The following CDK8 variants were observed in gnomAD, a reference collection of about 807,000 sequenced individuals.
The protein encoded by CDK8 is cyclin-dependent kinase 8.
A neutral mutation model predicts 71.5 loss-of-function variants in CDK8; 29 were observed. That is an observed-to-expected ratio of 0.41 (90% CI 0.30 to 0.55). The LOEUF (loss-of-function observed/expected upper bound fraction) is 0.55. Ranked by LOEUF, CDK8 falls within the 20% of genes least tolerant of loss-of-function variation. The pLI, the probability that CDK8 is intolerant of heterozygous loss-of-function variation, is 0.37. For synonymous variants in CDK8, 161 were observed against 192.1 expected (o/e 0.84, Z 1.34); for missense variants, 288 against 572.6 (o/e 0.50, Z 5.07).
chr13:26,397,645 C>A (rs189071898), intron 9 of CDK8, among the ~76,000 whole-genome samples: 4 of 152,204 alleles, frequency 2.6e-5, no homozygotes, highest in Admixed American at 2.6e-4. Context: ...CAAAATACCT[C>A]TTATAACCTT....
chr13:26,358,298 CA>C (rs985791986), intron 4 of CDK8, among the ~76,000 whole-genome samples: 19 of 148,396 alleles, frequency 1.3e-4, no homozygotes, highest in Middle Eastern at 3.2e-3. Flanking sequence ...GACTCCGTCT[CA>C]AAAAAAAATA....
intron 1 of CDK8, among the ~76,000 whole-genome samples, chr13:26,317,030 A>G (rs914659698): frequency 6.6e-6 from 1 of 152,194 alleles, no homozygotes; most frequent in African/African-American, 2.4e-5. Context: ...AACCTAAAGG[A>G]CAATGGAAAT....
At chr13:26,288,660 T>G (rs1469998377) in intron 1 of CDK8, among the ~76,000 whole-genome samples, 2 of 152,026 alleles carry the variant, frequency 1.3e-5, no homozygotes, top group African/African-American at 2.4e-5. Flanking sequence ...TGTTGATAAT[T>G]TGGGGAGAAT....
intron 4 of CDK8, among the ~76,000 whole-genome samples, chr13:26,360,360 A>T (rs1201353965): frequency 1.3e-5 from 2 of 152,172 alleles, no homozygotes; most frequent in African/African-American, 2.4e-5. Context: ...ACTGATATGT[A>T]GTCCAGCTCC....
intron 6 of CDK8, among the ~76,000 whole-genome samples, chr13:26,392,647 A>C (rs1418031940): frequency 2.0e-5 from 3 of 152,178 alleles, no homozygotes; most frequent in East Asian, 1.9e-4. Flanking sequence ...CCATGTTAAC[A>C]GTAATATTTT....
chr13:26,270,898 G>A (rs1198580050), intron 1 of CDK8, among the ~76,000 whole-genome samples: 1 of 152,166 alleles, frequency 6.6e-6, no homozygotes, highest in Non-Finnish European at 1.5e-5. Flanking sequence ...CCTCCAAACT[G>A]TTTTCCACAG....
intron 6 of CDK8, among the ~76,000 whole-genome samples, chr13:26,389,448 C>T (rs539953225): frequency 1.3e-5 from 2 of 152,064 alleles, no homozygotes; most frequent in South Asian, 2.1e-4. Flanking sequence ...GTGTGAGCCA[C>T]GACACCCAGC....
At chr13:26,267,160 A>T (rs2137863568) in intron 1 of CDK8, among the ~76,000 whole-genome samples, 1 of 148,124 alleles carries the variant, frequency 6.8e-6, no homozygotes, top group South Asian at 2.1e-4. Flanking sequence ...ATTAATAAAT[A>T]TGTAGTCAAC....
At chr13:26,389,061 T>C (rs147233212) in intron 6 of CDK8, among the ~76,000 whole-genome samples, 77 of 152,318 alleles carry the variant, frequency 5.1e-4, no homozygotes, top group African/African-American at 1.8e-3. Context: ...CTTCTATCAC[T>C]CTGGGGTGTG....
chr13:26,393,843 A>G (rs756813986), intron 7 of CDK8, among the ~76,000 whole-genome samples: 1 of 152,240 alleles, frequency 6.6e-6, no homozygotes, highest in Non-Finnish European at 1.5e-5. Context: ...AGTAGAAACT[A>G]TAAATGAATT....
chr13:26,378,786 A>G (rs896400521), intron 4 of CDK8, among the ~76,000 whole-genome samples: 1 of 152,220 alleles, frequency 6.6e-6, no homozygotes, highest in Non-Finnish European at 1.5e-5. Flanking sequence ...ACTTCATGTA[A>G]AGTTTTGGTG....
At chr13:26,323,742 T>G (rs1384253045) in intron 1 of CDK8, among the ~76,000 whole-genome samples, 1 of 152,160 alleles carries the variant, frequency 6.6e-6, no homozygotes, top group East Asian at 1.9e-4. Context: ...TTAAATAAAA[T>G]TTTTCTACTC....
intron 1 of CDK8, among the ~76,000 whole-genome samples, chr13:26,327,743 C>T (rs1395181589): frequency 1.3e-5 from 2 of 152,134 alleles, no homozygotes; most frequent in South Asian, 2.1e-4. Flanking sequence ...GCAGGAGAAT[C>T]GCTTGAACCC....
rs972837726 is a variant in CDK8, at chr13:26,254,825, G to A, written c.128+56G>A. The A allele has an allele frequency of 2.5e-6, 4 of 1,591,858 alleles. No individual in the cohort carries two copies. In the African/African-American group the frequency reaches 4.0e-5, roughly 16 times the overall value. ...GCTGGGCGGCGCTCCCGCAGGCCGA[G>A]GCAGGTAGCCCGGAGGGAGAGCGGG... is the stretch of plus-strand genomic sequence containing the variant. On this transcript the variant is annotated intron_variant, in intron 1 of 12. Coordinates refer to ENST00000381527, the MANE Select transcript of CDK8 (RefSeq NM_001260.3). The surrounding 1 kb of genome is among the most constrained non-coding windows in gnomAD (Gnocchi z 6.7).
At chr13:26,263,376 C>T (rs1323263019) in intron 1 of CDK8, among the ~76,000 whole-genome samples, 4 of 152,122 alleles carry the variant, frequency 2.6e-5, no homozygotes, top group Non-Finnish European at 5.9e-5. Context: ...GCCTCGTGAT[C>T]CGCCTGCCTC....
rs187140644 is a variant in CDK8, at chr13:26,352,229, T to A, written c.316-1511T>A. Among the ~76,000 whole-genome samples the A allele has an allele frequency of 5.3e-5, 8 of 152,156 alleles. No homozygotes were observed. The East Asian group carries it at 1.5e-3, about 29-fold the overall frequency. ...TCTTCTTGTTTTTTTTGTTTGTTTG[T>A]TTTTGAGATGGAGTCTCGCTCTGTC... On this transcript the variant is annotated intron_variant, in intron 3 of 12. Transcript: ENST00000381527.
intron 1 of CDK8, among the ~76,000 whole-genome samples, chr13:26,317,257 A>G (rs1874552831): frequency 1.3e-5 from 2 of 152,204 alleles, no homozygotes; most frequent in African/African-American, 2.4e-5. Flanking sequence ...AGAATTCACA[A>G]CAGCAAGAAG....
At position 26,309,741 on chromosome 13, in the gene CDK8, A is replaced by C. The variant is rs552934341; in HGVS notation, c.129-27826A>C. 9.4e-4 allele frequency among the ~76,000 whole-genome samples: 143 copies of C among 152,208 alleles called. 1 individual carries two copies. The highest frequency in any genetic ancestry group is 3.3e-3 in the African/African-American group (138 of 41,538). On this transcript the variant is annotated intron_variant, in intron 1 of 12. Coordinates refer to ENST00000381527, the MANE Select transcript of CDK8 (RefSeq NM_001260.3). ...CAGCCCAGATATCTGTTCTGTGTTCAAGACCATAATGTAAAATTTACCATC... is the reference window on the plus strand; with the variant it reads ...CAGCCCAGATATCTGTTCTGTGTTCCAGACCATAATGTAAAATTTACCATC...
At chr13:26,388,808 T>G (rs909213689) in intron 6 of CDK8, among the ~76,000 whole-genome samples, 1 of 152,064 alleles carries the variant, frequency 6.6e-6, no homozygotes, top group Non-Finnish European at 1.5e-5. Context: ...CTTGTCCCAA[T>G]GGCTGTATGA....
Sources: gnomAD v4.1 joint callset for allele counts (sites outside exome capture counted in the v4.1 genomes callset) on GRCh38, gnomAD v4.1.1 for gene constraint, Gnocchi (gnomAD v3.1) non-coding constraint, MANE v1.5 for transcripts, NCBI Gene and HGNC (gene_info 2026-07-23, HGNC 2026-07-21) for gene names.